TEK: variants seen among roughly 807,000 people sequenced by gnomAD.
The protein encoded by TEK is TEK receptor tyrosine kinase, also known as angiopoietin-1 receptor.
In TEK, 43 loss-of-function variants were observed where a neutral mutation model predicts 131.8. That is an observed-to-expected ratio of 0.33 (90% CI 0.26 to 0.42). The LOEUF is 0.42. Among genes scored for constraint, TEK ranks in the 10% least tolerant of loss-of-function variants. TEK has a pLI of 1.00. For missense variants in TEK, 1,162 were observed against 1,384.4 expected (o/e 0.84, Z 2.55); for synonymous variants, 580 against 491.6 (o/e 1.18, Z -2.38).
chr9:27,197,415 T>C lies in TEK; in HGVS notation c.1725T>C (p.Tyr575=). ...TTCCAAGCTCGGAAGATGACTTTTA[T>C]GTTGAAGTGGAGAGAAGGTCTGTGC... ...PIFPSSEDDF[Y]VEVERRSVQK... is the part of the protein sequence containing the mutation. Residue 575 remains tyrosine, a synonymous_variant, in exon 12 of 23, where the codon TAT becomes TAC. Coordinates refer to ENST00000380036, the MANE Select transcript of TEK (RefSeq NM_000459.5). 1 of 1,614,124 alleles carries C rather than the reference T, an allele frequency of 6.2e-7. No individual in the cohort carries two copies. The highest frequency in any genetic ancestry group is 8.5e-7 in the Non-Finnish European group (1 of 1,180,006).
chr9:27,179,243 C>T (rs530848427), intron 6 of TEK, among the ~76,000 whole-genome samples: 1 of 152,256 alleles, frequency 6.6e-6, no homozygotes, highest in South Asian at 2.1e-4. Context: ...TAAGTCCATA[C>T]AGTGATTATT....
intron 1 of TEK, among the ~76,000 whole-genome samples, chr9:27,150,760 G>T (rs181738657): frequency 6.6e-6 from 1 of 152,278 alleles, no homozygotes; most frequent in East Asian, 1.9e-4. Context: ...GTAAAGTCTC[G>T]TTGTGTGGAT....
chr9:27,162,827 T>G (rs1002792981), intron 2 of TEK, among the ~76,000 whole-genome samples: 2 of 152,236 alleles, frequency 1.3e-5, no homozygotes, highest in Non-Finnish European at 1.5e-5. Context: ...GTGATTCTCC[T>G]GCCTCAGCCT....
intron 8 of TEK, among the ~76,000 whole-genome samples, chr9:27,184,307 C>G (rs1355273954): frequency 2.0e-5 from 3 of 152,142 alleles, no homozygotes; most frequent in Non-Finnish European, 2.9e-5. Context: ...CCAACTATAC[C>G]AAATGCAGCA....
At chr9:27,204,152 A>C (rs371113582) in intron 13 of TEK, among the ~76,000 whole-genome samples, 11 of 152,240 alleles carry the variant, frequency 7.2e-5, no homozygotes, top group African/African-American at 2.7e-4. Context: ...AAAGTTTCTC[A>C]CCATTCTAGA....
chr9:27,126,991 A>G (rs1013942375), intron 1 of TEK, among the ~76,000 whole-genome samples: 2 of 152,300 alleles, frequency 1.3e-5, no homozygotes, highest in Non-Finnish European at 2.9e-5. Flanking sequence ...TTGTTTTATT[A>G]TACTTTAAGA....
intron 7 of TEK, among the ~76,000 whole-genome samples, chr9:27,182,508 T>C (rs945938367): frequency 9.2e-5 from 14 of 152,198 alleles, no homozygotes; most frequent in African/African-American, 3.4e-4. Context: ...TTTACCCATT[T>C]CATTCTAGGC....
At chr9:27,184,413 C>G (rs1333740523) in intron 8 of TEK, among the ~76,000 whole-genome samples, 1 of 152,014 alleles carries the variant, frequency 6.6e-6, no homozygotes, top group Non-Finnish European at 1.5e-5. Context: ...ACTTATTATC[C>G]TATTTTTCTA....
At chr9:27,125,782 A>G (rs553186077) in intron 1 of TEK, among the ~76,000 whole-genome samples, 1 of 152,316 alleles carries the variant, frequency 6.6e-6, no homozygotes, top group East Asian at 1.9e-4. Flanking sequence ...TCCCTGTGCT[A>G]CTAGGGTAAT....
At chr9:27,186,625 A>G (rs541966810) in intron 9 of TEK, among the ~76,000 whole-genome samples, 2 of 152,180 alleles carry the variant, frequency 1.3e-5, no homozygotes, top group South Asian at 2.1e-4. Context: ...TTAGTATTAA[A>G]CCTGGATCTT....
intron 1 of TEK, among the ~76,000 whole-genome samples, chr9:27,134,002 G>T (rs1236383980): frequency 6.6e-6 from 1 of 152,200 alleles, no homozygotes; most frequent in Non-Finnish European, 1.5e-5. Flanking sequence ...GTTTGAAACT[G>T]AACTGTGAGG....
intron 19 of TEK, among the ~76,000 whole-genome samples, chr9:27,218,466 G>GCAGAGATTGGATTTAACTCAGATCT (rs1204288178): frequency 2.0e-5 from 3 of 152,128 alleles, no homozygotes; most frequent in Admixed American, 6.5e-5. Context: ...GTATTGGGTG[G>GCAGAGATTGGATTTAACTCAGATCT]CAGAGATTGG....
At chr9:27,117,669 G>T (rs1251119471) in intron 1 of TEK, among the ~76,000 whole-genome samples, 2 of 152,184 alleles carry the variant, frequency 1.3e-5, no homozygotes, top group Non-Finnish European at 2.9e-5. Context: ...GTCTAATGTG[G>T]TATGAGTGTG....
chr9:27,221,231 T>G (rs958049783), intron 21 of TEK, among the ~76,000 whole-genome samples: 38 of 152,326 alleles, frequency 2.5e-4, no homozygotes, highest in Admixed American at 2.4e-3. Flanking sequence ...ATTCTTTCTA[T>G]CTGGGCAGGG....
intron 16 of TEK, among the ~76,000 whole-genome samples, chr9:27,209,596 G>A (rs1825527335): frequency 6.6e-6 from 1 of 152,006 alleles, no homozygotes; most frequent in Non-Finnish European, 1.5e-5. Context: ...CATTTTTCCT[G>A]GAAACCCAGG....
At chr9:27,143,549 C>A (rs1822806608) in intron 1 of TEK, among the ~76,000 whole-genome samples, 1 of 152,136 alleles carries the variant, frequency 6.6e-6, no homozygotes, top group Non-Finnish European at 1.5e-5. Context: ...ATAGAGCCAG[C>A]CCATGACCAG....
At chr9:27,152,412 GAAA>G (rs10554773) in intron 1 of TEK, among the ~76,000 whole-genome samples, 2,691 of 142,958 alleles carry the variant, frequency 0.019, 84 homozygotes, top group African/African-American at 0.063. Flanking sequence ...CTGGAATGTG[GAAA>G]AAAAAAAAAA....
At chr9:27,220,433 A>AG (rs1826015024) in intron 21 of TEK, among the ~76,000 whole-genome samples, 1 of 152,194 alleles carries the variant, frequency 6.6e-6, no homozygotes, top group African/African-American at 2.4e-5. Flanking sequence ...AATTCTTTAA[A>AG]CATACAACAC....
chr9:27,141,858 C>T (rs990820008), intron 1 of TEK, among the ~76,000 whole-genome samples: 1 of 152,100 alleles, frequency 6.6e-6, no homozygotes, highest in African/African-American at 2.4e-5. Context: ...AAAAAAGAAA[C>T]AGGTATAATG....
Sources: gnomAD v4.1 joint callset for allele counts (sites outside exome capture counted in the v4.1 genomes callset) on GRCh38, gnomAD v4.1.1 for gene constraint, MANE v1.5 for transcripts, NCBI Gene and HGNC (gene_info 2026-07-23, HGNC 2026-07-21) for gene names.